Variants in FRAS1 observed in about 807,000 individuals in gnomAD.
FRAS1 encodes Fraser extracellular matrix complex subunit 1, also known as extracellular matrix organizing protein FRAS1.
Under a neutral mutation model 435.2 loss-of-function variants are expected in FRAS1, and 290 were observed. That is an observed-to-expected ratio of 0.67 (90% confidence interval 0.61 to 0.73). The LOEUF is 0.73. Among genes scored for constraint, FRAS1 ranks in the 30% least tolerant of loss-of-function variants. The probability of loss-of-function intolerance (pLI) is 0.00; values close to 1 mark genes in which losing one functional copy is unlikely to be tolerated. For missense variants in FRAS1, 4,860 were observed against 5,001.5 expected, an observed-to-expected ratio of 0.97 and a Z score of 0.85; for synonymous variants, 1,800 against 1,851.0, an observed-to-expected ratio of 0.97 and a Z score of 0.71.
At chr4:78,383,119 C>G (rs989377557) in intron 27 of FRAS1, among the ~76,000 whole-genome samples, 1 of 152,206 alleles carries the variant, frequency 6.6e-6, no homozygotes, top group African/African-American at 2.4e-5. Context: ...GTGGGTAAGT[C>G]TTACCTTCCC....
At chr4:78,155,672 A>G (rs1204685840) in intron 2 of FRAS1, among the ~76,000 whole-genome samples, 5 of 152,176 alleles carry the variant, frequency 3.3e-5, no homozygotes, top group Non-Finnish European at 7.4e-5. Flanking sequence ...TGCATTTTAA[A>G]CACTGTGCTT....
chr4:78,145,503 T>C (rs1350125039), intron 2 of FRAS1, among the ~76,000 whole-genome samples: 1 of 152,168 alleles, frequency 6.6e-6, no homozygotes, highest in East Asian at 1.9e-4. Flanking sequence ...AAATTATTTA[T>C]CTGAGAGAAC....
In FRAS1 at chr4:78,319,013, G is replaced by T. The variant is rs754228598; in HGVS notation, c.2137+27G>T. ...TAAGCATGATTTGAGAAAGTGTTAG[G>T]TAGCCTCTGGGCTTATCTCTTGAGA... On this transcript the variant is annotated intron_variant, in intron 18 of 73. Transcript: ENST00000512123. 7 of 1,610,478 alleles carry T rather than the reference G, an allele frequency of 4.3e-6. No individual in the cohort carries two copies. The East Asian group carries it at 1.6e-4, about 36-fold the overall frequency.
intron 47 of FRAS1, among the ~76,000 whole-genome samples, chr4:78,454,471 G>A (rs1719126872): frequency 6.6e-6 from 1 of 152,178 alleles, no homozygotes; most frequent in African/African-American, 2.4e-5. Context: ...AATCCCTAGT[G>A]GGAATTAGAG....
At chr4:78,187,175 G>A (rs1722311512) in intron 2 of FRAS1, among the ~76,000 whole-genome samples, 1 of 152,148 alleles carries the variant, frequency 6.6e-6, no homozygotes. Flanking sequence ...CTACTTGTAT[G>A]TTCTTCACTG....
intron 68 of FRAS1, among the ~76,000 whole-genome samples, chr4:78,521,920 T>C (rs781392181): frequency 6.6e-6 from 1 of 152,220 alleles, no homozygotes; most frequent in Non-Finnish European, 1.5e-5. Context: ...ATATTTAGCA[T>C]TGATTCAATA....
chr4:78,438,862 A>C, intron 39 of FRAS1, 40 bp from the exon 40 acceptor site: 1 of 1,570,602 alleles, frequency 6.4e-7, no homozygotes, highest in South Asian at 1.2e-5. Context: ...CTGGCTTGTC[A>C]TCGTGGCTTA....
intron 29 of FRAS1, among the ~76,000 whole-genome samples, chr4:78,390,031 A>G (rs1732383379): frequency 6.6e-6 from 1 of 152,186 alleles, no homozygotes. Context: ...ATGGATTGGA[A>G]TAATGAAACC....
chr4:78,411,367 C>T (rs536636799), intron 31 of FRAS1, among the ~76,000 whole-genome samples: 1 of 152,258 alleles, frequency 6.6e-6, no homozygotes, highest in Admixed American at 6.5e-5. Flanking sequence ...CCACCTCGGC[C>T]TCCCAAAGTG....
chr4:78,275,342 T>C (rs980174223), intron 9 of FRAS1, among the ~76,000 whole-genome samples: 16 of 152,230 alleles, frequency 1.1e-4, no homozygotes, highest in Non-Finnish European at 1.9e-4. Context: ...TATGTGTGAA[T>C]TTGATCCTGT....
intron 2 of FRAS1, among the ~76,000 whole-genome samples, chr4:78,146,200 TGTA>T (rs899926600): frequency 4.6e-5 from 7 of 152,122 alleles, no homozygotes; most frequent in African/African-American, 1.7e-4. Flanking sequence ...AAATAAGTCT[TGTA>T]GTGAAAAACA....
intron 27 of FRAS1, among the ~76,000 whole-genome samples, chr4:78,383,449 T>C (rs967066222): frequency 6.6e-6 from 1 of 152,230 alleles, no homozygotes; most frequent in Non-Finnish European, 1.5e-5. Flanking sequence ...CTGGTTGTCC[T>C]GTAGTCAGAT....
intron 18 of FRAS1, among the ~76,000 whole-genome samples, chr4:78,323,318 GAATTGTAGT>G (rs1729582987): frequency 6.6e-6 from 1 of 152,204 alleles, no homozygotes; most frequent in Admixed American, 6.5e-5. Context: ...TTAGCAAAAA[GAATTGTAGT>G]AATTGTAGTA....
chr4:78,275,529 G>A (rs565528711), intron 9 of FRAS1, among the ~76,000 whole-genome samples: 3 of 152,228 alleles, frequency 2.0e-5, no homozygotes, highest in South Asian at 4.1e-4. Context: ...AAATCTCTCA[G>A]CATTTGCTTG....
chr4:78,173,275 A>G (rs1487947583), intron 2 of FRAS1, among the ~76,000 whole-genome samples: 1 of 152,198 alleles, frequency 6.6e-6, no homozygotes, highest in African/African-American at 2.4e-5. Context: ...AGTTCCCAGC[A>G]GATACCTTTG....
intron 14 of FRAS1, among the ~76,000 whole-genome samples, chr4:78,287,066 C>T (rs1380843731): frequency 2.0e-5 from 3 of 151,980 alleles, no homozygotes; most frequent in Non-Finnish European, 2.9e-5. Context: ...CACAGTTCTG[C>T]GTGGCTGGAG....
At chr4:78,428,083 GT>G (rs1734063071) in intron 35 of FRAS1, among the ~76,000 whole-genome samples, 1 of 152,202 alleles carries the variant, frequency 6.6e-6, no homozygotes, top group South Asian at 2.1e-4. Flanking sequence ...AAAAGATAGG[GT>G]GTTAAGTTAT....
chr4:78,403,334 T>C (rs1732974807), intron 30 of FRAS1, among the ~76,000 whole-genome samples: 3 of 152,196 alleles, frequency 2.0e-5, no homozygotes, highest in Admixed American at 1.3e-4. Context: ...TATGCTTTAT[T>C]GTGATGCTTT....
intron 30 of FRAS1, among the ~76,000 whole-genome samples, chr4:78,402,566 GAAT>G (rs1732932963): frequency 1.3e-5 from 2 of 152,078 alleles, no homozygotes; most frequent in Non-Finnish European, 2.9e-5. Context: ...TGCAAAAACA[GAAT>G]AAAAGCTCTT....
Sources: allele counts gnomAD v4.1 joint callset (sites outside exome capture counted in the v4.1 genomes callset), GRCh38; gene constraint gnomAD v4.1.1; transcripts MANE v1.5; gene names NCBI Gene and HGNC (gene_info 2026-07-23, HGNC 2026-07-21).